SPHKAP: variants seen among roughly 807,000 people sequenced by gnomAD.
SPHKAP encodes SPHK1 interactor, AKAP domain containing.
A neutral mutation model predicts 137.5 loss-of-function variants in SPHKAP; 67 were observed. That is an observed-to-expected ratio of 0.49 (90% CI 0.40 to 0.60). The LOEUF is 0.60. Among genes scored for constraint, SPHKAP ranks in the 20% least tolerant of loss-of-function variants. The pLI is 0.00. For missense variants in SPHKAP, 2,097 were observed against 2,069.3 expected, an observed-to-expected ratio of 1.01 and a Z score of -0.26; for synonymous variants, 813 against 785.3, an observed-to-expected ratio of 1.04 and a Z score of -0.59.
intron 3 of SPHKAP, among the ~76,000 whole-genome samples, chr2:228,092,632 TTA>T (rs953277600): frequency 1.5e-4 from 22 of 147,882 alleles, no homozygotes; most frequent in African/African-American, 4.7e-4. Context: ...TATGTGTATA[TTA>T]TATGTGTATA....
At chr2:227,997,535 T>C (rs1177269195) in intron 7 of SPHKAP, among the ~76,000 whole-genome samples, 1 of 152,236 alleles carries the variant, frequency 6.6e-6, no homozygotes, top group African/African-American at 2.4e-5. Context: ...TATTCTTCTT[T>C]ATTAATAAAT....
At chr2:228,134,896 C>T (rs1355792755) in intron 1 of SPHKAP, among the ~76,000 whole-genome samples, 2 of 152,186 alleles carry the variant, frequency 1.3e-5, no homozygotes, top group Non-Finnish European at 2.9e-5. Flanking sequence ...GGGCTGGAGA[C>T]TGCAGGAGTA....
intron 8 of SPHKAP, among the ~76,000 whole-genome samples, chr2:227,994,506 G>A (rs528793985): frequency 7.7e-4 from 117 of 152,260 alleles, no homozygotes; most frequent in African/African-American, 2.8e-3. Flanking sequence ...GTGGTGCGTC[G>A]TGTAGTGGGA....
At chr2:228,025,899 T>C (rs974220261) in intron 4 of SPHKAP, 1 of 984,518 alleles carries the variant, frequency 1.0e-6, no homozygotes, top group Non-Finnish European at 1.2e-6. Context: ...TCTTCCGATA[T>C]GGCTTGGCTC....
rs553871370 is a variant in SPHKAP, at chr2:228,003,678, A to G, written c.4449-7984T>C. Among the ~76,000 whole-genome samples the G allele has an allele frequency of 1.5e-4, 23 of 152,348 alleles. No homozygotes were observed. In the East Asian group the frequency reaches 4.4e-3, roughly 29 times the overall value. The stretch of plus-strand genomic sequence containing the variant: ...GAATACTTCCAGTTTTTGCCCATTC[A>G]GTATGATATTGGCTGTGAGTTTGTC... On this transcript the variant is annotated intron_variant, in intron 7 of 11. Coordinates refer to ENST00000392056, the MANE Select transcript of SPHKAP (RefSeq NM_001142644.2).
At chr2:228,056,237 A>G (rs1696439043) in intron 3 of SPHKAP, among the ~76,000 whole-genome samples, 1 of 152,202 alleles carries the variant, frequency 6.6e-6, no homozygotes, top group African/African-American at 2.4e-5. Context: ...TCATGAAGAG[A>G]GGGGCCATGG....
chr2:227,995,730 GCA>G (rs34458152), intron 7 of SPHKAP, 36 bp from the exon 8 acceptor site: 5,961 of 1,378,602 alleles, frequency 4.3e-3, no homozygotes, highest in East Asian at 5.1e-3. Flanking sequence ...AAGAGAGGCA[GCA>G]CACACACACA....
chr2:228,179,894 T>G (rs1407338099), intron 1 of SPHKAP, among the ~76,000 whole-genome samples: 2 of 152,184 alleles, frequency 1.3e-5, no homozygotes, highest in African/African-American at 4.8e-5. Context: ...TAAAACCGGA[T>G]TAAAGCAATC....
intron 1 of SPHKAP, among the ~76,000 whole-genome samples, chr2:228,152,357 G>C (rs960069939): frequency 1.1e-4 from 17 of 152,160 alleles, no homozygotes; most frequent in South Asian, 4.2e-4. Context: ...AGCATATCTT[G>C]CTGGCAATGT....
chr2:227,991,198 C>G lies in SPHKAP; in HGVS notation c.4775-14G>C. The G allele has an allele frequency of 6.2e-7, 1 of 1,614,156 alleles. No homozygotes were observed. On this transcript the variant is annotated splice_polypyrimidine_tract_variant and intron_variant, in intron 10 of 11. Transcript: ENST00000392056. ...CAGATGCAGGTGCTGAGAACAGACA[C>G]AACCACAGCCTTATCCTTCTTTCCA...
At chr2:228,043,317 G>T (rs776462314) in intron 3 of SPHKAP, among the ~76,000 whole-genome samples, 5 of 152,046 alleles carry the variant, frequency 3.3e-5, no homozygotes, top group Admixed American at 6.5e-5. Context: ...GTTAGTTGAG[G>T]ATGCACTTTT....
At chr2:228,079,610 T>C (rs1479244199) in intron 3 of SPHKAP, among the ~76,000 whole-genome samples, 1 of 152,212 alleles carries the variant, frequency 6.6e-6, no homozygotes, top group East Asian at 1.9e-4. Flanking sequence ...GGTGGATGCA[T>C]GTGCCAGGGC....
chr2:228,069,021 C>G (rs897461347), intron 3 of SPHKAP, among the ~76,000 whole-genome samples: 1 of 152,134 alleles, frequency 6.6e-6, no homozygotes, highest in African/African-American at 2.4e-5. Context: ...GATCCCAGCA[C>G]TTTTGGAGGC....
chr2:227,993,552 G>A lies in SPHKAP; in HGVS notation c.4703C>T (p.Pro1568Leu). Residue 1568 changes from proline to leucine, a missense_variant, in exon 9 of 12, where the codon CCA (proline) becomes CTA (leucine). Physicochemically the swap from Pro to Leu is moderately conservative, Grantham distance 98. Coordinates refer to ENST00000392056, the MANE Select transcript of SPHKAP (RefSeq NM_001142644.2). Reference protein sequence around the residue: ...MDLDIYQESMPSSPMINELVE... With the variant: ...MDLDIYQESMLSSPMINELVE... ...TACTTACTTAATCATGGGAGAAGAT[G>A]GCATGCTTTCCTGATAAATGTCCAG... The A allele has an allele frequency of 6.2e-7, 1 of 1,603,544 alleles. No individual in the cohort carries two copies. The highest frequency in any genetic ancestry group is 8.5e-7 in the Non-Finnish European group (1 of 1,175,104).
At position 228,019,725 on chromosome 2, in the gene SPHKAP, C is replaced by T. The variant is rs776408173; in HGVS notation, c.1129G>A (p.Ala377Thr). The change falls in exon 7 of 12, where the codon GCT becomes ACT. Residue 377 changes from alanine (A) to threonine (T), a missense_variant. Transcript: ENST00000392056. ...TCTCCATCTTGTCTAGGAGGGAGAG[C>T]GTTTCTTGTGTCTTCATGGTCTCCT... ...NPGDHEDTRNALPPRQDGEVT... is the reference protein window; with the variant it reads ...NPGDHEDTRNTLPPRQDGEVT... 3.7e-6 allele frequency: 6 copies of T among 1,614,038 alleles called. No individual in the cohort carries two copies. The highest frequency in any genetic ancestry group is 3.3e-5 in the Admixed American group (2 of 60,006).
In SPHKAP at chr2:228,158,218, G is replaced by C. The variant is rs188962484; in HGVS notation, c.32+23349C>G. On this transcript the variant is annotated intron_variant, in intron 1 of 11. Coordinates refer to ENST00000392056, the MANE Select transcript of SPHKAP (RefSeq NM_001142644.2). Reference sequence around the variant, plus strand: ...GCAACTCTAATTTACTGCCCAAATTGTCCACTATCTGCATTCTTTACCCAC... The same window carrying C: ...GCAACTCTAATTTACTGCCCAAATTCTCCACTATCTGCATTCTTTACCCAC... Among the ~76,000 whole-genome samples, 10 of 152,102 alleles carry C rather than the reference G, an allele frequency of 6.6e-5. No homozygotes were observed. The East Asian group carries it at 1.7e-3, about 26-fold the overall frequency.
intron 3 of SPHKAP, among the ~76,000 whole-genome samples, chr2:228,084,833 G>A (rs1225113313): frequency 6.6e-6 from 1 of 152,142 alleles, no homozygotes; most frequent in Non-Finnish European, 1.5e-5. Context: ...ATGCATCTTT[G>A]CAGACAAATT....
chr2:228,070,479 A>G (rs1021222530), intron 3 of SPHKAP, among the ~76,000 whole-genome samples: 1 of 151,852 alleles, frequency 6.6e-6, no homozygotes, highest in African/African-American at 2.4e-5. Flanking sequence ...AATGATACCA[A>G]TTCTTCTTCC....
rs139580622 is a variant in SPHKAP at position 228,112,919 on chromosome 2, T to A, written c.139-3980A>T. ...CATTCAATGAAAAATTCTAGAAAGA[T>A]TTCTCATTTGACTCTTCCATTTCCC... On this transcript the variant is annotated intron_variant, in intron 2 of 11. Transcript: ENST00000392056. Among the ~76,000 whole-genome samples the A allele has an allele frequency of 4.2e-4, 64 of 152,276 alleles. No individual in the cohort carries two copies. In the East Asian group the frequency reaches 0.012, roughly 28 times the overall value.
Sources: allele counts gnomAD v4.1 joint callset (sites outside exome capture counted in the v4.1 genomes callset), GRCh38; gene constraint gnomAD v4.1.1; transcripts MANE v1.5; gene names NCBI Gene and HGNC (gene_info 2026-07-23, HGNC 2026-07-21).